The following BACE2 variants were observed in gnomAD, a reference collection of about 807,000 sequenced individuals.
The protein encoded by BACE2 is beta-secretase 2.
A neutral mutation model predicts 46.2 loss-of-function variants in BACE2; 17 were observed. The observed-to-expected ratio is 0.37, with a 90% CI of 0.25 to 0.55. The LOEUF (loss-of-function observed/expected upper bound fraction) is 0.55, where lower values mean the gene tolerates loss of function less well. BACE2 is among the 20% of genes least tolerant of loss of function. The pLI is 0.82. For missense variants in BACE2, 595 were observed against 698.1 expected, an observed-to-expected ratio of 0.85 and a Z score of 1.66; for synonymous variants, 277 against 295.9, an observed-to-expected ratio of 0.94 and a Z score of 0.66.
In BACE2 at chr21:41,193,860, G is replaced by C. The variant is rs960095351; in HGVS notation, c.312+25285G>C. ...TTTGGGTCCTCTGGAATTAACGTCA[G>C]CTCAGAGCCAGTGTCCAGTAGTCCC... On this transcript the variant is annotated intron_variant, in intron 1 of 8. Coordinates refer to ENST00000330333, the MANE Select transcript of BACE2 (RefSeq NM_012105.5). This position sits in a 1 kb window ranked among gnomAD's most constrained non-coding sequence, Gnocchi z 4.2. Among the ~76,000 whole-genome samples the C allele has an allele frequency of 6.6e-6, 1 of 152,158 alleles. No individual in the cohort carries two copies. Among genetic ancestry groups the C allele is most frequent in the Admixed American group, 6.5e-5 (1 of 15,268 alleles).
chr21:41,270,807 T>C (rs184447196), intron 8 of BACE2, among the ~76,000 whole-genome samples: 13 of 152,382 alleles, frequency 8.5e-5, no homozygotes, highest in African/African-American at 2.9e-4. Flanking sequence ...GATTAGTTTA[T>C]AATAGTTAGA....
chr21:41,226,719 T>C (rs1022574235), intron 2 of BACE2, among the ~76,000 whole-genome samples: 2 of 152,170 alleles, frequency 1.3e-5, no homozygotes, highest in African/African-American at 2.4e-5. Context: ...GGACGAGGTC[T>C]TGGGAGTCTG....
intron 1 of BACE2, 60 bp from the exon 2 acceptor site, chr21:41,226,206 A>G (rs1415590422): frequency 1.5e-6 from 2 of 1,299,054 alleles, no homozygotes; most frequent in Non-Finnish European, 2.2e-6. Flanking sequence ...ATTCAAGAGT[A>G]TTGCCTTATT....
intron 3 of BACE2, among the ~76,000 whole-genome samples, chr21:41,238,830 C>T (rs1227696259): frequency 6.8e-6 from 1 of 147,256 alleles, no homozygotes. Flanking sequence ...GGAGGGATAG[C>T]CTTGGGAGAT....
chr21:41,206,778 G>A (rs1410591396), intron 1 of BACE2, among the ~76,000 whole-genome samples: 1 of 152,132 alleles, frequency 6.6e-6, no homozygotes, highest in Non-Finnish European at 1.5e-5. Flanking sequence ...AACTAAGATG[G>A]TAAATTTTAA....
chr21:41,269,283 T>G (rs1035814002), intron 8 of BACE2, among the ~76,000 whole-genome samples: 1 of 152,222 alleles, frequency 6.6e-6, no homozygotes, highest in Admixed American at 6.5e-5. Flanking sequence ...CTCAATGAGA[T>G]TATAACAGAT....
intron 8 of BACE2, among the ~76,000 whole-genome samples, chr21:41,257,737 C>T (rs962467292): frequency 1.3e-5 from 2 of 152,118 alleles, no homozygotes; most frequent in African/African-American, 4.8e-5. Flanking sequence ...CCTATCGTTG[C>T]GATTTCTTGA....
intron 1 of BACE2, among the ~76,000 whole-genome samples, chr21:41,210,580 C>T (rs1015174155): frequency 3.9e-5 from 6 of 152,262 alleles, no homozygotes; most frequent in Non-Finnish European, 5.9e-5. Flanking sequence ...GCAGCTCATC[C>T]GCCCACAGAC....
At chr21:41,205,049 A>G (rs554490338) in intron 1 of BACE2, among the ~76,000 whole-genome samples, 1 of 152,348 alleles carries the variant, frequency 6.6e-6, no homozygotes, top group Admixed American at 6.5e-5. Context: ...AGGGTAGCAA[A>G]TTGAACACAA....
At chr21:41,231,115 C>T (rs1267881415) in intron 2 of BACE2, among the ~76,000 whole-genome samples, 1 of 152,226 alleles carries the variant, frequency 6.6e-6, no homozygotes, top group Non-Finnish European at 1.5e-5. Context: ...GATCAAATGG[C>T]TTTCCATTCA....
chr21:41,202,315 C>G (rs139133452), intron 1 of BACE2, among the ~76,000 whole-genome samples: 2 of 152,228 alleles, frequency 1.3e-5, no homozygotes, highest in Non-Finnish European at 2.9e-5. Context: ...TCATATCACA[C>G]GACCAATGCT....
chr21:41,231,933 G>T (rs953360146), intron 2 of BACE2, among the ~76,000 whole-genome samples: 2 of 151,926 alleles, frequency 1.3e-5, no homozygotes, highest in Non-Finnish European at 2.9e-5. Context: ...AACCCCTAGA[G>T]TCACTTATGA....
chr21:41,217,208 C>T (rs1223103083), intron 1 of BACE2, among the ~76,000 whole-genome samples: 5 of 152,340 alleles, frequency 3.3e-5, no homozygotes, highest in Admixed American at 6.5e-5. Context: ...GGATTACAGG[C>T]GTGAGCCACT....
At chr21:41,243,303 A>G (rs1043140869) in intron 4 of BACE2, 73 bp from the exon 5 acceptor site, 8 of 1,291,776 alleles carry the variant, frequency 6.2e-6, no homozygotes, top group Admixed American at 5.3e-5. Flanking sequence ...TTACAAGTGC[A>G]TGCTTCTCTG....
chr21:41,219,751 G>C (rs1310804783), intron 1 of BACE2, among the ~76,000 whole-genome samples: 1 of 152,190 alleles, frequency 6.6e-6, no homozygotes, highest in Non-Finnish European at 1.5e-5. Context: ...TTTGCTTGGT[G>C]TCCTCTAAGT....
intron 6 of BACE2, among the ~76,000 whole-genome samples, chr21:41,249,636 T>G (rs535726372): frequency 6.6e-6 from 1 of 152,248 alleles, no homozygotes; most frequent in African/African-American, 2.4e-5. Context: ...CCCCAGCGCC[T>G]GCTTGGCCCT....
In BACE2 at chr21:41,275,444, C is replaced by T. The variant is rs773478396; in HGVS notation, c.1377C>T (p.Pro459=). 47 of 1,614,202 alleles carry T rather than the reference C, an allele frequency of 2.9e-5. No individual in the cohort carries two copies. The highest frequency in any genetic ancestry group is 1.2e-4 in the African/African-American group (9 of 75,052). ...AGGATGTAGCCAGCAACTGTGTCCC[C>T]GCTCAGTCTTTGAGCGAGCCCATTT... ...STEDVASNCV[P]AQSLSEPILW... Residue 459 remains proline, a synonymous_variant, in exon 9 of 9, where the codon CCC becomes CCT. Transcript: ENST00000330333.
chr21:41,249,860 G>A (rs1987590223), intron 6 of BACE2, among the ~76,000 whole-genome samples: 2 of 152,218 alleles, frequency 1.3e-5, no homozygotes, highest in Admixed American at 6.5e-5. Flanking sequence ...TCGTTAACTT[G>A]CCATCTCAGC....
In BACE2 at chr21:41,275,460, G is replaced by T. The variant is rs1035187431; in HGVS notation, c.1393G>T (p.Glu465Ter). Residue 465 changes from glutamate to a stop codon, truncating the protein, a stop_gained, in exon 9 of 9, where the codon GAG becomes TAG. Transcript: ENST00000330333. LOFTEE classifies it low-confidence loss of function (END_TRUNC). ...CTGTGTCCCCGCTCAGTCTTTGAGCGAGCCCATTTTGTGGATTGTGTCCTA... is the reference window on the plus strand; with the variant it reads ...CTGTGTCCCCGCTCAGTCTTTGAGCTAGCCCATTTTGTGGATTGTGTCCTA... ...SNCVPAQSLS[E>*]PILWIVSYAL... is the part of the protein sequence containing the mutation. 6.2e-7 allele frequency: 1 copy of T among 1,614,012 alleles called. No homozygotes were observed. The highest frequency in any genetic ancestry group is 8.5e-7 in the Non-Finnish European group (1 of 1,180,044).
Sources: gnomAD v4.1 joint callset for allele counts (sites outside exome capture counted in the v4.1 genomes callset) on GRCh38, gnomAD v4.1.1 for gene constraint, Gnocchi (gnomAD v3.1) non-coding constraint, MANE v1.5 for transcripts, NCBI Gene and HGNC (gene_info 2026-07-23, HGNC 2026-07-21) for gene names.